STAB2: variants seen among roughly 807,000 people sequenced by gnomAD.
The protein encoded by STAB2 is stabilin 2.
Under a neutral mutation model 338.1 loss-of-function variants are expected in STAB2, and 288 were observed. The ratio of observed to expected loss-of-function variants is 0.85; its 90% CI spans 0.77 to 0.94. The LOEUF (loss-of-function observed/expected upper bound fraction) is 0.94, where lower values mean the gene tolerates loss of function less well. Ranked by LOEUF, STAB2 falls within the 40% of genes least tolerant of loss-of-function variation. The pLI is 0.00. For synonymous variants in STAB2, 1,202 were observed against 1,193.3 expected, an observed-to-expected ratio of 1.01 and a Z score of -0.15; for missense variants, 3,141 against 3,210.1, an observed-to-expected ratio of 0.98 and a Z score of 0.52.
chr12:103,632,567 A>G (rs938653853), intron 6 of STAB2, among the ~76,000 whole-genome samples: 6 of 152,118 alleles, frequency 3.9e-5, no homozygotes, highest in Admixed American at 3.9e-4. Context: ...CCTGGAATAC[A>G]CAATGTCTAT....
chr12:103,736,676 C>T (rs746929037), intron 52 of STAB2, among the ~76,000 whole-genome samples: 13 of 151,934 alleles, frequency 8.6e-5, no homozygotes, highest in Non-Finnish European at 1.6e-4. Context: ...AAATCCTTTA[C>T]TCTATTTACC....
chr12:103,606,209 A>G (rs1299442724), intron 3 of STAB2, among the ~76,000 whole-genome samples: 3 of 152,168 alleles, frequency 2.0e-5, no homozygotes, highest in Non-Finnish European at 4.4e-5. Flanking sequence ...TACAGTCTAC[A>G]TTTAACTGAT....
At chr12:103,622,174 C>T in intron 5 of STAB2, 63 bp downstream of exon 5, 14 of 1,543,544 alleles carry the variant, frequency 9.1e-6, no homozygotes, top group Non-Finnish European at 1.1e-5. Flanking sequence ...AGAAAGATTG[C>T]TCCTTGAGGA....
At chr12:103,589,020 T>TG (rs1392598708) in intron 1 of STAB2, among the ~76,000 whole-genome samples, 2 of 152,146 alleles carry the variant, frequency 1.3e-5, no homozygotes, top group Non-Finnish European at 2.9e-5. Flanking sequence ...ACTCACAGGG[T>TG]GACCTTGGGC....
intron 22 of STAB2, among the ~76,000 whole-genome samples, chr12:103,672,543 G>C (rs703642): frequency 0.55 from 84,088 of 151,950 alleles, 23,515 homozygotes; most frequent in East Asian, 0.78. Context: ...GATTTTCCAG[G>C]CCCGCTCACT....
At chr12:103,753,853 G>T (rs1883886010) in intron 61 of STAB2, among the ~76,000 whole-genome samples, 1 of 152,056 alleles carries the variant, frequency 6.6e-6, no homozygotes, top group Non-Finnish European at 1.5e-5. Flanking sequence ...ACAAAACAGT[G>T]GAGTTTCCCT....
Position 103,758,249 on chromosome 12 carries a change from C to T in STAB2, c.7067C>T (p.Thr2356Ile). Residue 2356 changes from threonine to isoleucine, a missense_variant, in exon 64 of 69, where the codon ACC becomes ATC. Transcript: ENST00000388887. The part of the protein sequence containing the change: ...EHLTDLSIRG[T>I]LFVPQNSGLG... The stretch of plus-strand genomic sequence containing the variant: ...CTGACTGACCTGTCCATCCGCGGCA[C>T]CCTCTTTGTGCCACAGAACAGTGGG... 1.2e-6 allele frequency: 2 copies of T among 1,614,076 alleles called. No individual in the cohort carries two copies. The highest frequency in any genetic ancestry group is 1.7e-6 in the Non-Finnish European group (2 of 1,180,036).
chr12:103,703,017 T>A, intron 34 of STAB2, 131 bp from the exon 35 acceptor site: 1 of 1,068,522 alleles, frequency 9.4e-7, no homozygotes, highest in Non-Finnish European at 1.3e-6. Context: ...CCAATACAAG[T>A]GACTATTATA....
intron 3 of STAB2, among the ~76,000 whole-genome samples, chr12:103,612,585 A>C (rs1957142188): frequency 6.6e-6 from 1 of 152,108 alleles, no homozygotes; most frequent in Non-Finnish European, 1.5e-5. Context: ...TTAGCCATTC[A>C]TCTAGTCTTT....
intron 30 of STAB2, among the ~76,000 whole-genome samples, chr12:103,692,499 T>C (rs1243197549): frequency 6.6e-6 from 1 of 152,222 alleles, no homozygotes; most frequent in Non-Finnish European, 1.5e-5. Flanking sequence ...TAGCATGGAA[T>C]AGAATAGACT....
intron 68 of STAB2, among the ~76,000 whole-genome samples, chr12:103,765,859 C>T (rs1345860448): frequency 1.3e-5 from 2 of 152,162 alleles, no homozygotes; most frequent in Non-Finnish European, 2.9e-5. Context: ...GTTTCTATTA[C>T]ACTCTCTCAG....
At chr12:103,637,903 C>A in intron 7 of STAB2, 113 bp from the exon 8 acceptor site, 1 of 1,095,496 alleles carries the variant, frequency 9.1e-7, no homozygotes, top group Non-Finnish European at 1.3e-6. Flanking sequence ...AAATGTTTGT[C>A]TTTGAAAACT....
chr12:103,621,594 T>G (rs991190296), intron 4 of STAB2, among the ~76,000 whole-genome samples: 1 of 152,112 alleles, frequency 6.6e-6, no homozygotes, highest in African/African-American at 2.4e-5. Flanking sequence ...TATCCGGGTG[T>G]GGTGGTGTGC....
At chr12:103,630,337 T>C (rs1371111253) in intron 5 of STAB2, among the ~76,000 whole-genome samples, 1 of 152,246 alleles carries the variant, frequency 6.6e-6, no homozygotes, top group Non-Finnish European at 1.5e-5. Context: ...ACTTTATTCA[T>C]CCTTGCTTTG....
At chr12:103,760,694 ACATG>A (rs1884471976) in intron 65 of STAB2, among the ~76,000 whole-genome samples, 1 of 152,180 alleles carries the variant, frequency 6.6e-6, no homozygotes, top group South Asian at 2.1e-4. Flanking sequence ...AGGTTCTGAG[ACATG>A]CAGAGAGTAG....
intron 17 of STAB2, among the ~76,000 whole-genome samples, chr12:103,662,139 A>C (rs980349700): frequency 1.3e-5 from 2 of 152,230 alleles, no homozygotes; most frequent in African/African-American, 4.8e-5. Context: ...TGGTTGGTGC[A>C]AAAGTAACTG....
In STAB2 at chr12:103,734,005, T is replaced by C. The variant is rs1305682140; in HGVS notation, c.5460+823T>C. Among the ~76,000 whole-genome samples the C allele has an allele frequency of 7.0e-5, 10 of 141,932 alleles. No homozygotes were observed. The East Asian group carries it at 1.7e-3, about 24-fold the overall frequency. 93.1% of individuals were successfully genotyped at this position (141,932 alleles called of 152,430 possible). ...TCATATAGGAGCAAGCACGACCATA[T>C]AGGAGCAAGCATGATCATATAGGAA... On this transcript the variant is annotated intron_variant, in intron 51 of 68. Coordinates refer to ENST00000388887, the MANE Select transcript of STAB2 (RefSeq NM_017564.10).
intron 31 of STAB2, among the ~76,000 whole-genome samples, chr12:103,695,088 C>T (rs1878282681): frequency 6.6e-6 from 1 of 152,086 alleles, no homozygotes; most frequent in South Asian, 2.1e-4. Context: ...AGATTCAGGC[C>T]ACTGGGTTGC....
At chr12:103,642,543 A>G (rs1873002981) in intron 9 of STAB2, among the ~76,000 whole-genome samples, 2 of 152,236 alleles carry the variant, frequency 1.3e-5, no homozygotes, top group Non-Finnish European at 2.9e-5. Context: ...AACATGGTAC[A>G]GTGGCAAGAG....
Sources: allele counts gnomAD v4.1 joint callset (sites outside exome capture counted in the v4.1 genomes callset), GRCh38; gene constraint gnomAD v4.1.1; transcripts MANE v1.5; gene names NCBI Gene and HGNC (gene_info 2026-07-23, HGNC 2026-07-21).